Variants in MUC12 observed in about 807,000 individuals in gnomAD.
MUC12 encodes the protein mucin 12, cell surface associated.
A neutral mutation model predicts 230.8 loss-of-function variants in MUC12; 172 were observed. That is an observed-to-expected ratio of 0.75 (90% confidence interval 0.66 to 0.85). The LOEUF is 0.85. Among genes scored for constraint, MUC12 ranks in the 40% least tolerant of loss-of-function variants. The pLI is 0.00. For missense variants in MUC12, 3,506 were observed against 5,920.6 expected, an observed-to-expected ratio of 0.59 and a Z score of 13.38; for synonymous variants, 1,259 against 2,401.9, an observed-to-expected ratio of 0.52 and a Z score of 13.91.
rs201474600 is a variant in MUC12, at chr7:101,002,891, C to G, written c.12328C>G (p.Arg4110Gly). Residue 4110 changes from arginine (R) to glycine (G), a missense_variant, in exon 2 of 12, where the codon CGC becomes GGC. By Grantham distance (125) the Arg-to-Gly change is moderately radical. Transcript: ENST00000536621. The stretch of plus-strand genomic sequence containing the variant: ...TGAAGTATCCACAACCTACCACAGC[C>G]GCCCGAGCTCAACTCCAACAACACA... ...PVEVSTTYHS[R>G]PSSTPTTHFS... is the part of the protein sequence containing the mutation. 4 of 1,194,456 alleles carry G rather than the reference C, an allele frequency of 3.3e-6. No homozygotes were observed. The highest frequency in any genetic ancestry group is 2.2e-4 in the Middle Eastern group (1 of 4,576). 74.0% of individuals were successfully genotyped at this position (1,194,456 alleles called of 1,614,324 possible).
In MUC12 at chr7:101,018,571, C is replaced by T. The variant is rs766083101; in HGVS notation, c.15967-24C>T. ...CTTTCCCGGGTCTGCCCCTTGGCCTCACCTCTTCTCTCCCGTCCCCCAGCT... is the reference window on the plus strand; with the variant it reads ...CTTTCCCGGGTCTGCCCCTTGGCCTTACCTCTTCTCTCCCGTCCCCCAGCT... On this transcript the variant is annotated intron_variant, in intron 11 of 11. Coordinates refer to ENST00000536621, the MANE Select transcript of MUC12 (RefSeq NM_001164462.2). 2.0e-6 allele frequency: 3 copies of T among 1,535,914 alleles called. No homozygotes were observed. In the South Asian group the frequency reaches 3.6e-5, roughly 18 times the overall value.
At chr7:101,012,040 A>G (rs1290589020) in intron 5 of MUC12, among the ~76,000 whole-genome samples, 1 of 152,164 alleles carries the variant, frequency 6.6e-6, no homozygotes, top group Non-Finnish European at 1.5e-5. Context: ...CCACTTGTTC[A>G]TCCAAGAGCC....
intron 1 of MUC12, 138 bp downstream of exon 1, chr7:100,969,827 T>G: frequency 1.6e-6 from 2 of 1,241,196 alleles, no homozygotes; most frequent in Non-Finnish European, 2.2e-6. Context: ...TGGAGACCCG[T>G]GCTGTGACCT....
intron 2 of MUC12, among the ~76,000 whole-genome samples, chr7:101,005,973 T>A (rs904369297): frequency 6.6e-6 from 1 of 152,104 alleles, no homozygotes; most frequent in African/African-American, 2.4e-5. Context: ...AATTTTTGTA[T>A]TTTTAGTAGA....
chr7:100,990,546 C>G, intron 1 of MUC12, 85 bp from the exon 2 acceptor site: 1 of 1,489,026 alleles, frequency 6.7e-7, no homozygotes, highest in Non-Finnish European at 9.0e-7. Context: ...GTCTTCCAGC[C>G]CGGATGTGTC....
Position 101,004,397 on chromosome 7 carries a change from A to G in MUC12, c.13834A>G (p.Thr4612Ala), listed in dbSNP as rs758195465. The G allele has an allele frequency of 6.7e-7, 1 of 1,503,064 alleles. No individual in the cohort carries two copies. Among genetic ancestry groups the G allele is most frequent in the Non-Finnish European group, 8.8e-7 (1 of 1,133,694 alleles). 93.1% of individuals were successfully genotyped at this position (1,503,064 alleles called of 1,614,324 possible). ...GGCGTACCACAGCAGCCCGGGCTCA[A>G]CTCAAACAATGCACTTCCCTGAAAG... Reference protein sequence around the residue: ...STAYHSSPGSTQTMHFPESST... With the variant: ...STAYHSSPGSAQTMHFPESST... The change falls in exon 2 of 12, where the codon ACT becomes GCT. Residue 4612 changes from threonine (T) to alanine (A), a missense_variant. By Grantham distance (58) the Thr-to-Ala change is moderately conservative. Coordinates refer to ENST00000536621, the MANE Select transcript of MUC12 (RefSeq NM_001164462.2).
intron 1 of MUC12, among the ~76,000 whole-genome samples, chr7:100,986,936 T>G (rs1416028764): frequency 6.6e-6 from 1 of 151,984 alleles, no homozygotes; most frequent in East Asian, 1.9e-4. Flanking sequence ...ATAGGCAGGA[T>G]GAAGAAAGCC....
Position 101,018,698 on chromosome 7 carries a change from A to G in MUC12, c.*62A>G. ...CAGGAGAGCTGCAAACACAGAGCCCACCACAAGCCTCCGGGGCGGGTCAAG... is the reference window on the plus strand; with the variant it reads ...CAGGAGAGCTGCAAACACAGAGCCCGCCACAAGCCTCCGGGGCGGGTCAAG... On this transcript the variant is annotated 3_prime_UTR_variant, in exon 12 of 12. Coordinates refer to ENST00000536621, the MANE Select transcript of MUC12 (RefSeq NM_001164462.2). The G allele has an allele frequency of 6.7e-7, 1 of 1,483,324 alleles. No individual in the cohort carries two copies. Among genetic ancestry groups the G allele is most frequent in the Non-Finnish European group, 9.0e-7 (1 of 1,109,746 alleles). 91.9% of individuals were successfully genotyped at this position (1,483,324 alleles called of 1,614,324 possible).
chr7:101,014,133 C>T (rs1793880581), intron 9 of MUC12, 59 bp downstream of exon 9: 4 of 1,457,568 alleles, frequency 2.7e-6, no homozygotes, highest in Non-Finnish European at 3.6e-6. Flanking sequence ...CTGGGGTGGC[C>T]ACTGTCTGAA....
Position 101,013,128 on chromosome 7 carries a change from T to C in MUC12, c.15624T>C (p.Ser5208=). The C allele has an allele frequency of 6.5e-7, 1 of 1,537,268 alleles. No individual in the cohort carries two copies. The highest frequency in any genetic ancestry group is 1.4e-5 in the African/African-American group (1 of 73,172). The stretch of plus-strand genomic sequence containing the variant: ...TGGGCACATGTCAGCTGCAACGCAG[T>C]GGCCCCCGCTGCCTGTGAGTGTCCC... ...CNLGTCQLQR[S]GPRCLCPNTN... The change falls in exon 8 of 12, where the codon AGT becomes AGC. Residue 5208 remains serine, a synonymous_variant. Coordinates refer to ENST00000536621, the MANE Select transcript of MUC12 (RefSeq NM_001164462.2).
intron 1 of MUC12, among the ~76,000 whole-genome samples, chr7:100,987,473 G>C (rs1361045656): frequency 6.6e-6 from 1 of 152,202 alleles, no homozygotes; most frequent in African/African-American, 2.4e-5. Context: ...ACCAGGTAGA[G>C]GGGGCAGTGT....
chr7:100,970,994 CA>C (rs199863312), intron 1 of MUC12, among the ~76,000 whole-genome samples: 49 of 128,254 alleles, frequency 3.8e-4, no homozygotes, highest in Non-Finnish European at 3.5e-4. Flanking sequence ...GACTCCGTCT[CA>C]AAAAAAAAAA....
chr7:100,980,592 ATTAAT>A lies in MUC12; in HGVS notation c.68-10035_68-10031del, dbSNP rs1793090964. On this transcript the variant is annotated intron_variant, in intron 1 of 11. Coordinates refer to ENST00000536621, the MANE Select transcript of MUC12 (RefSeq NM_001164462.2). Reference sequence around the variant, plus strand: ...AAATTTTATTTTATATCTGCATCAGATTAATTTAGGATGAATAACTAGGAATGTCA... The same window carrying A: ...AAATTTTATTTTATATCTGCATCAGATTAGGATGAATAACTAGGAATGTCA... Among the ~76,000 whole-genome samples, 3 of 152,326 alleles carry A rather than the reference ATTAAT, an allele frequency of 2.0e-5. No individual in the cohort carries two copies. The South Asian group carries it at 6.2e-4, about 32-fold the overall frequency.
intron 1 of MUC12, chr7:100,981,430 G>T: frequency 1.6e-6 from 1 of 616,550 alleles, no homozygotes; most frequent in African/African-American, 1.9e-5. Flanking sequence ...GGATGGCAGA[G>T]CCGAGGGCTT....
rs201150884 is a variant in MUC12, at chr7:100,989,096, C to CTTTTTTTTT, written c.68-1533_68-1532insTTTTTTTTT. On this transcript the variant is annotated intron_variant, in intron 1 of 11. Transcript: ENST00000536621. ...GTCTCTGGTATGTCTTCTTCCTCTT[C>CTTTTTTTTT]TTCTTTTTTTTTTTTTTTTTTTGAG... Among the ~76,000 whole-genome samples the CTTTTTTTTT allele has an allele frequency of 3.0e-5, 4 of 134,958 alleles. 1 individual carries two copies. Among genetic ancestry groups the CTTTTTTTTT allele is most frequent in the Non-Finnish European group, 4.8e-5 (3 of 62,990 alleles). The allele number at this position is 134,958 out of a possible 152,430, so 88.5% of individuals were successfully genotyped here. A position where few individuals can be genotyped will look rare whatever the true frequency, so the allele number is the denominator to read the frequency against.
At chr7:101,009,219 C>T (rs950713959) in intron 5 of MUC12, 60 bp downstream of exon 5, 2 of 1,470,954 alleles carry the variant, frequency 1.4e-6, no homozygotes, top group African/African-American at 2.8e-5. Flanking sequence ...CCCTGCTTTC[C>T]TGCCTCCTCC....
intron 9 of MUC12, chr7:101,015,407 G>A: frequency 1.7e-6 from 1 of 576,200 alleles, no homozygotes; most frequent in South Asian, 2.0e-5. Context: ...TAAAGGGAGT[G>A]AGGGGCAGCC....
Position 100,992,088 on chromosome 7 carries a change from C to A in MUC12, c.1525C>A (p.Pro509Thr), listed in dbSNP as rs1793328573. The change falls in exon 2 of 12, where the codon CCT becomes ACT. Residue 509 changes from proline to threonine, a missense_variant. Pro to Thr is a conservative substitution (Grantham distance 38, BLOSUM62 -1). Transcript: ENST00000536621. Reference protein sequence around the residue: ...SPRSPDTTHLPASMTSSGVSE... With the variant: ...SPRSPDTTHLTASMTSSGVSE... The stretch of plus-strand genomic sequence containing the variant: ...CAGATCACCAGACACAACACACTTA[C>A]CTGCCAGCATGACAAGCTCAGGCGT... The A allele has an allele frequency of 2.0e-6, 3 of 1,537,162 alleles. No individual in the cohort carries two copies. Among genetic ancestry groups the A allele is most frequent in the South Asian group, 1.2e-5 (1 of 84,052 alleles).
Position 101,004,752 on chromosome 7 carries a change from C to T in MUC12, c.14189C>T (p.Thr4730Ile), listed in dbSNP as rs1274304430. ...SMETTLASTATTPGLSAKSTI... is the reference protein window; with the variant it reads ...SMETTLASTAITPGLSAKSTI... ...GAAACAACATTAGCCAGCACTGCCA[C>T]AACACCAGGCCTCAGTGCAAAATCT... Residue 4730 changes from threonine to isoleucine, a missense_variant, in exon 2 of 12, where the codon ACA becomes ATA. Physicochemically the swap from Thr to Ile is moderately conservative, Grantham distance 89. Transcript: ENST00000536621. The T allele has an allele frequency of 4.6e-6, 7 of 1,536,962 alleles. No individual in the cohort carries two copies. The highest frequency in any genetic ancestry group is 3.9e-5 in the Admixed American group (2 of 50,992).
Sources: allele counts gnomAD v4.1 joint callset (sites outside exome capture counted in the v4.1 genomes callset), GRCh38; gene constraint gnomAD v4.1.1; transcripts MANE v1.5; gene names NCBI Gene and HGNC (gene_info 2026-07-23, HGNC 2026-07-21).